PGAP1: variants seen among roughly 807,000 people sequenced by gnomAD.
PGAP1 encodes post-GPI attachment to proteins inositol deacylase 1, also known as GPI inositol-deacylase.
PGAP1 carries 76 observed loss-of-function variants against 127.0 expected under a neutral mutation model. The ratio of observed to expected loss-of-function variants is 0.60; its 90% CI spans 0.50 to 0.72. The LOEUF (loss-of-function observed/expected upper bound fraction) is 0.72. PGAP1 is among the 30% of genes least tolerant of loss of function. PGAP1 has a pLI of 0.00. For synonymous variants in PGAP1, 362 were observed against 366.5 expected (o/e 0.99, Z 0.14); for missense variants, 982 against 1,071.3 (o/e 0.92, Z 1.16).
chr2:196,845,714 C>T (rs1384456805), intron 23 of PGAP1, among the ~76,000 whole-genome samples, 168 bp downstream of exon 23: 1 of 152,022 alleles, frequency 6.6e-6, no homozygotes, highest in African/African-American at 2.4e-5. Context: ...TTTCCCTTTT[C>T]CAGTTAATTG....
intron 22 of PGAP1, among the ~76,000 whole-genome samples, chr2:196,846,569 T>C (rs1185680686): frequency 6.6e-6 from 1 of 152,162 alleles, no homozygotes; most frequent in Non-Finnish European, 1.5e-5. Flanking sequence ...AACTGTGTCA[T>C]TGGGCCCATA....
intron 2 of PGAP1, 60 bp downstream of exon 2, chr2:196,919,937 T>C: frequency 6.6e-7 from 1 of 1,514,604 alleles, no homozygotes; most frequent in Admixed American, 1.9e-5. Context: ...AGTATGGATA[T>C]GATTCAAATT....
At chr2:196,918,367 T>C (rs1025498306) in intron 2 of PGAP1, among the ~76,000 whole-genome samples, 10 of 152,196 alleles carry the variant, frequency 6.6e-5, no homozygotes, top group Admixed American at 5.9e-4. Flanking sequence ...CACAGGTTTA[T>C]GTGCTCCAGG....
chr2:196,874,696 A>G (rs1257487474), intron 14 of PGAP1, among the ~76,000 whole-genome samples: 1 of 152,168 alleles, frequency 6.6e-6, no homozygotes, highest in Non-Finnish European at 1.5e-5. Context: ...TTTTGGCAAA[A>G]ATACATAACC....
At chr2:196,896,154 T>C (rs1316812270) in intron 7 of PGAP1, among the ~76,000 whole-genome samples, 1 of 152,214 alleles carries the variant, frequency 6.6e-6, no homozygotes, top group Non-Finnish European at 1.5e-5. Context: ...CTGTAAAGGA[T>C]ACTATGATTT....
At chr2:196,914,724 A>T (rs1702944237) in intron 3 of PGAP1, among the ~76,000 whole-genome samples, 1 of 151,980 alleles carries the variant, frequency 6.6e-6, no homozygotes, top group Admixed American at 6.6e-5. Context: ...ATACACTCTT[A>T]AATCCATTTC....
chr2:196,922,915 C>A (rs1057253573), intron 1 of PGAP1, among the ~76,000 whole-genome samples: 1 of 151,892 alleles, frequency 6.6e-6, no homozygotes, highest in South Asian at 2.1e-4. Context: ...GTCTTGAACT[C>A]CTGGGCTCAA....
chr2:196,844,659 T>C, intron 23 of PGAP1, 85 bp from the exon 24 acceptor site: 1 of 898,804 alleles, frequency 1.1e-6, no homozygotes, highest in Non-Finnish European at 1.7e-6. Context: ...TGAGAAGCAC[T>C]GTAATCTGAA....
At chr2:196,885,165 G>T (rs1701857946) in intron 12 of PGAP1, among the ~76,000 whole-genome samples, 1 of 152,118 alleles carries the variant, frequency 6.6e-6, no homozygotes, top group Admixed American at 6.5e-5. Flanking sequence ...CTTTTTGTAT[G>T]AAGTTATAAT....
intron 13 of PGAP1, 152 bp downstream of exon 13, chr2:196,879,924 T>C: frequency 1.7e-6 from 1 of 571,874 alleles, no homozygotes; most frequent in South Asian, 2.2e-5. Flanking sequence ...CAAGTTAGAG[T>C]AGATGATCCT....
chr2:196,855,651 G>C (rs1320009388), intron 20 of PGAP1, among the ~76,000 whole-genome samples: 1 of 152,108 alleles, frequency 6.6e-6, no homozygotes, highest in African/African-American at 2.4e-5. Flanking sequence ...CTCTTAAGCA[G>C]GCAATTTGGT....
At chr2:196,903,992 T>A (rs755861079) in intron 4 of PGAP1, among the ~76,000 whole-genome samples, 4 of 152,222 alleles carry the variant, frequency 2.6e-5, no homozygotes, top group South Asian at 2.1e-4. Context: ...CCTAGCAGAC[T>A]GACTCTTAAC....
In PGAP1 at chr2:196,897,469, A is replaced by G. The variant is rs16859300; in HGVS notation, c.861-272T>C. Among the ~76,000 whole-genome samples, 15,534 of 152,212 alleles carry G rather than the reference A, an allele frequency of 0.1. 960 individuals carry two copies. The highest frequency in any genetic ancestry group is 0.17 in the African/African-American group (7,167 of 41,504). ...CCTCACCTAGCCTAGCCATAGATGT[A>G]CTATCTACCCCATCTTTATATGCCT... is the stretch of plus-strand genomic sequence containing the variant. On this transcript the variant is annotated intron_variant, in intron 6 of 26. Coordinates refer to ENST00000354764, the MANE Select transcript of PGAP1 (RefSeq NM_024989.4).
chr2:196,900,254 C>A (rs1473514248), intron 5 of PGAP1, among the ~76,000 whole-genome samples: 1 of 152,194 alleles, frequency 6.6e-6, no homozygotes, highest in Non-Finnish European at 1.5e-5. Context: ...AAACCACCCA[C>A]CAACCTAAAT....
At chr2:196,859,346 C>T (rs775659866) in intron 20 of PGAP1, among the ~76,000 whole-genome samples, 2 of 151,884 alleles carry the variant, frequency 1.3e-5, no homozygotes, top group African/African-American at 2.4e-5. Context: ...AAACAAAAAC[C>T]AAGTAATGAG....
intron 5 of PGAP1, among the ~76,000 whole-genome samples, 178 bp from the exon 6 acceptor site, chr2:196,898,547 G>T (rs1702365443): frequency 6.6e-6 from 1 of 152,060 alleles, no homozygotes; most frequent in African/African-American, 2.4e-5. Flanking sequence ...AGAATTTTCT[G>T]TATAAATTTC....
intron 5 of PGAP1, among the ~76,000 whole-genome samples, chr2:196,899,020 G>C (rs1323191296): frequency 1.3e-5 from 2 of 152,016 alleles, no homozygotes; most frequent in Non-Finnish European, 2.9e-5. Context: ...ATTTGCAGAG[G>C]GCTTCCTAAC....
chr2:196,868,590 G>A (rs1675455024), intron 19 of PGAP1, among the ~76,000 whole-genome samples: 1 of 152,122 alleles, frequency 6.6e-6, no homozygotes, highest in African/African-American at 2.4e-5. Context: ...TGAAGATCTG[G>A]CAACACTGGA....
rs750190758 is a variant in PGAP1, at chr2:196,841,195, A to T, written c.*39T>A. The T allele has an allele frequency of 1.9e-6, 3 of 1,592,716 alleles. No homozygotes were observed. Among genetic ancestry groups the T allele is most frequent in the Admixed American group, 1.7e-5 (1 of 57,824 alleles). ...TGTGTTCCCTCTTATCACTGGCCCTAAACACATAAATTATCTTCATCATTC... is the reference window on the plus strand; with the variant it reads ...TGTGTTCCCTCTTATCACTGGCCCTTAACACATAAATTATCTTCATCATTC... On this transcript the variant is annotated 3_prime_UTR_variant, in exon 27 of 27. Coordinates refer to ENST00000354764, the MANE Select transcript of PGAP1 (RefSeq NM_024989.4).
Sources: gnomAD v4.1 joint callset for allele counts (sites outside exome capture counted in the v4.1 genomes callset) on GRCh38, gnomAD v4.1.1 for gene constraint, MANE v1.5 for transcripts, NCBI Gene and HGNC (gene_info 2026-07-23, HGNC 2026-07-21) for gene names.